Variants in SND1 observed in about 807,000 individuals in gnomAD.
The protein encoded by SND1 is staphylococcal nuclease and tudor domain containing 1, also known as staphylococcal nuclease domain-containing protein 1.
A neutral mutation model predicts 121.7 loss-of-function variants in SND1; 38 were observed. The ratio of observed to expected loss-of-function variants is 0.31; its 90% CI spans 0.24 to 0.41. The LOEUF is 0.41. Ranked by LOEUF, SND1 falls within the 10% of genes least tolerant of loss-of-function variation. SND1 has a pLI of 1.00. For synonymous variants in SND1, 401 were observed against 447.4 expected (o/e 0.90, Z 1.31); for missense variants, 868 against 1,184.6 (o/e 0.73, Z 3.92).
intron 10 of SND1, among the ~76,000 whole-genome samples, chr7:127,789,351 A>G (rs1797869497): frequency 6.6e-6 from 1 of 152,230 alleles, no homozygotes; most frequent in African/African-American, 2.4e-5. Flanking sequence ...TCGATTGCCA[A>G]ACCTTTTTAA....
chr7:128,034,364 C>T (rs747485832), intron 16 of SND1, among the ~76,000 whole-genome samples: 1 of 152,188 alleles, frequency 6.6e-6, no homozygotes, highest in Non-Finnish European at 1.5e-5. Flanking sequence ...TCTGGGCACT[C>T]AGACTTTCTG....
At chr7:127,837,352 T>A (rs535963864) in intron 11 of SND1, among the ~76,000 whole-genome samples, 15 of 152,340 alleles carry the variant, frequency 9.8e-5, no homozygotes, top group Admixed American at 3.3e-4. Context: ...TTATAATATT[T>A]GTTATATATT....
At chr7:128,031,185 C>A (rs912829147) in intron 16 of SND1, 8 of 152,292 alleles carry the variant, frequency 5.3e-5, no homozygotes, top group Non-Finnish European at 1.2e-4. Flanking sequence ...AGGTGCATGC[C>A]CCCCCCTCCG....
At chr7:127,708,812 A>G (rs1796250268) in intron 9 of SND1, among the ~76,000 whole-genome samples, 1 of 152,306 alleles carries the variant, frequency 6.6e-6, no homozygotes. Flanking sequence ...AGATGCTAGA[A>G]GTTTTGTTTT....
chr7:127,860,873 G>A (rs12706817), intron 12 of SND1, among the ~76,000 whole-genome samples: 52 of 152,222 alleles, frequency 3.4e-4, no homozygotes, highest in Non-Finnish European at 6.8e-4. Context: ...CAGTTGGTGG[G>A]TTTATAAAGA....
At chr7:127,932,562 A>G (rs962359371) in intron 15 of SND1, among the ~76,000 whole-genome samples, 8 of 152,248 alleles carry the variant, frequency 5.3e-5, no homozygotes, top group African/African-American at 1.9e-4. Flanking sequence ...AATGGACTCT[A>G]ATTTTGAAAG....
intron 16 of SND1, among the ~76,000 whole-genome samples, chr7:128,056,769 A>C (rs1793149910): frequency 6.6e-6 from 1 of 152,210 alleles, no homozygotes; most frequent in Non-Finnish European, 1.5e-5. Flanking sequence ...CAAACTAGAC[A>C]TATACAGTGT....
intron 1 of SND1, among the ~76,000 whole-genome samples, chr7:127,655,916 G>A (rs1223973774): frequency 6.6e-6 from 1 of 152,190 alleles, no homozygotes; most frequent in Non-Finnish European, 1.5e-5. Flanking sequence ...CTTATCAGAA[G>A]CAGCCATGGA....
At chr7:127,849,900 G>A (rs1402659016) in intron 12 of SND1, among the ~76,000 whole-genome samples, 1 of 152,134 alleles carries the variant, frequency 6.6e-6, no homozygotes, top group African/African-American at 2.4e-5. Context: ...AGTTCTGTGG[G>A]GGCTCGGGAC....
At position 127,800,947 on chromosome 7, in the gene SND1, G is replaced by A. The variant is rs140885713; in HGVS notation, c.1153-6537G>A. On this transcript the variant is annotated intron_variant, in intron 10 of 23. Transcript: ENST00000354725. ...GTTTTACTATATCAGTCTACAACTTGCTTTTCCAGCTCAATTTTGTTTTTT... is the reference window on the plus strand; with the variant it reads ...GTTTTACTATATCAGTCTACAACTTACTTTTCCAGCTCAATTTTGTTTTTT... 5.3e-4 allele frequency among the ~76,000 whole-genome samples: 81 copies of A among 152,258 alleles called. 2 individuals carry two copies. In the East Asian group the frequency reaches 0.015, roughly 28 times the overall value.
At chr7:127,864,158 A>C in intron 12 of SND1, among the ~76,000 whole-genome samples, 1 of 148,658 alleles carries the variant, frequency 6.7e-6, no homozygotes, top group African/African-American at 2.5e-5. Context: ...AACTTCTCCC[A>C]TTTTTCTAAG....
At chr7:127,930,583 A>G (rs1563061852) in intron 15 of SND1, among the ~76,000 whole-genome samples, 1 of 152,308 alleles carries the variant, frequency 6.6e-6, no homozygotes, top group East Asian at 1.9e-4. Context: ...TGTGACACCA[A>G]GCTCAGGGCA....
At chr7:127,969,141 A>G (rs1481125476) in intron 15 of SND1, among the ~76,000 whole-genome samples, 1 of 152,090 alleles carries the variant, frequency 6.6e-6, no homozygotes, top group Admixed American at 6.5e-5. Context: ...GGAAGTAAAT[A>G]GTTGGTGGTG....
intron 16 of SND1, among the ~76,000 whole-genome samples, chr7:128,004,033 ACTTT>A (rs920047113): frequency 5.7e-4 from 82 of 144,328 alleles, no homozygotes; most frequent in South Asian, 5.1e-3. Context: ...TTTGTAACTT[ACTTT>A]CTTTTTTTTT....
intron 11 of SND1, among the ~76,000 whole-genome samples, chr7:127,833,021 G>A (rs1477605099): frequency 6.6e-6 from 1 of 152,074 alleles, no homozygotes; most frequent in Non-Finnish European, 1.5e-5. Context: ...CTACAAAATC[G>A]GTCCCTGGTG....
At chr7:127,762,913 G>A (rs1009786264) in intron 10 of SND1, among the ~76,000 whole-genome samples, 1 of 152,212 alleles carries the variant, frequency 6.6e-6, no homozygotes, top group African/African-American at 2.4e-5. Context: ...GGCTAAATAT[G>A]TAGGTAACTT....
intron 17 of SND1, among the ~76,000 whole-genome samples, chr7:128,075,638 T>C (rs1248809605): frequency 6.6e-6 from 1 of 152,148 alleles, no homozygotes; most frequent in Non-Finnish European, 1.5e-5. Flanking sequence ...CCCTGGGGAT[T>C]GGGGCAGGCA....
At chr7:127,805,319 T>G (rs546773654) in intron 10 of SND1, among the ~76,000 whole-genome samples, 1 of 152,308 alleles carries the variant, frequency 6.6e-6, no homozygotes, top group East Asian at 1.9e-4. Context: ...TGGGCCTTGA[T>G]CAGAGCTCAG....
intron 15 of SND1, among the ~76,000 whole-genome samples, chr7:127,933,354 C>T (rs117297091): frequency 1.4e-3 from 215 of 152,344 alleles, no homozygotes; most frequent in Non-Finnish European, 2.2e-3. Context: ...ATAGATTACA[C>T]AGAAGCAAAT....
Sources: gnomAD v4.1 joint callset for allele counts (sites outside exome capture counted in the v4.1 genomes callset) on GRCh38, gnomAD v4.1.1 for gene constraint, MANE v1.5 for transcripts, NCBI Gene and HGNC (gene_info 2026-07-23, HGNC 2026-07-21) for gene names.